The following BOP1 variants were observed in gnomAD, a reference collection of about 807,000 sequenced individuals.
The protein encoded by BOP1 is ribosome biogenesis protein BOP1.
BOP1 carries 54 observed loss-of-function variants against 82.9 expected under a neutral mutation model. The ratio of observed to expected loss-of-function variants is 0.65; its 90% confidence interval spans 0.52 to 0.82. BOP1 has a LOEUF of 0.82. Among genes scored for constraint, BOP1 ranks in the 40% least tolerant of loss-of-function variants. BOP1 has a pLI of 0.00. For missense variants in BOP1, 1,170 were observed against 1,072.0 expected (o/e 1.09, Z -1.28); for synonymous variants, 566 against 451.1 (o/e 1.25, Z -3.23).
At chr8:144,288,666 G>A (rs1386166036) in intron 2 of BOP1, among the ~76,000 whole-genome samples, 3 of 152,126 alleles carry the variant, frequency 2.0e-5, no homozygotes, top group South Asian at 2.1e-4. Flanking sequence ...CCCTCTACCC[G>A]TCGGCTGCTC....
chr8:144,273,004 C>T (rs55959122), intron 3 of BOP1, among the ~76,000 whole-genome samples: 3 of 152,078 alleles, frequency 2.0e-5, no homozygotes, highest in Admixed American at 6.5e-5. Context: ...GGCATGCAGG[C>T]GGCCGCGGGG....
intron 2 of BOP1, among the ~76,000 whole-genome samples, chr8:144,287,704 T>C (rs1360829895): frequency 6.6e-6 from 1 of 152,146 alleles, no homozygotes; most frequent in African/African-American, 2.4e-5. Context: ...AGGGGTAACG[T>C]AGTTGTCCAT....
intron 3 of BOP1, among the ~76,000 whole-genome samples, chr8:144,274,825 G>C (rs1250250845): frequency 6.6e-6 from 1 of 152,092 alleles, no homozygotes; most frequent in Non-Finnish European, 1.5e-5. Flanking sequence ...CGGCCTCCGC[G>C]CTCCGTTTAC....
Position 144,264,429 on chromosome 8 carries a change from G to A in BOP1, c.774C>T (p.Arg258=), listed in dbSNP as rs1845308640. The A allele has an allele frequency of 6.2e-7, 1 of 1,603,438 alleles. No individual in the cohort carries two copies. Among genetic ancestry groups the A allele is most frequent in the African/African-American group, 1.3e-5 (1 of 75,026 alleles). Residue 258 remains arginine (R), a synonymous_variant, in exon 7 of 16, where the codon CGC becomes CGT. Coordinates refer to ENST00000569669, the MANE Select transcript of BOP1 (RefSeq NM_015201.5). ...PSLVEKEKVS[R]MVHAIKMGWI... The stretch of plus-strand genomic sequence containing the variant: ...AGCCCATCTTGATGGCGTGCACCAT[G>A]CGAGAGACCTGCATAGACAGCCGGG...
In BOP1 at chr8:144,264,470, C is replaced by T. The variant is rs970045807; in HGVS notation, c.766-33G>A. Reference sequence around the variant, plus strand: ...GACAGCCGGGTCAGGACGGGCAGTGCGGGGCGGTCAGCCCAGGCCAAGCCC... The same window carrying T: ...GACAGCCGGGTCAGGACGGGCAGTGTGGGGCGGTCAGCCCAGGCCAAGCCC... On this transcript the variant is annotated intron_variant, in intron 6 of 15. Transcript: ENST00000569669. 288 of 1,606,838 alleles carry T rather than the reference C, an allele frequency of 1.8e-4. No individual in the cohort carries two copies. In the African/African-American group the frequency reaches 3.1e-3, roughly 17 times the overall value.
intron 2 of BOP1, among the ~76,000 whole-genome samples, chr8:144,278,666 C>T (rs1845618934): frequency 6.6e-6 from 1 of 152,204 alleles, no homozygotes; most frequent in South Asian, 2.1e-4. Context: ...CAGAACATCG[C>T]TGTCGGGGTG....
Position 144,263,140 on chromosome 8 carries a change from G to A in BOP1, c.1607C>T (p.Pro536Leu). 6 of 1,593,708 alleles carry A rather than the reference G, an allele frequency of 3.8e-6. No homozygotes were observed. Among genetic ancestry groups the A allele is most frequent in the Non-Finnish European group, 5.1e-6 (6 of 1,178,802 alleles). The change falls in exon 13 of 16, where the codon CCA becomes CTA. Residue 536 changes from proline (P) to leucine (L), a missense_variant and splice_region_variant. Coordinates refer to ENST00000569669, the MANE Select transcript of BOP1 (RefSeq NM_015201.5). Reference sequence around the variant, plus strand: ...CCCGTGCCAGGTCACCTGCGTCACTGGCTGCAGGAGAGCAAGGCTGGCTGA... The same window carrying A: ...CCCGTGCCAGGTCACCTGCGTCACTAGCTGCAGGAGAGCAAGGCTGGCTGA... The part of the protein sequence containing the change: ...GLRLRICHGK[P>L]VTQVTWHGRG...
intron 2 of BOP1, among the ~76,000 whole-genome samples, chr8:144,287,201 G>C (rs1588609992): frequency 6.6e-6 from 1 of 152,050 alleles, no homozygotes; most frequent in African/African-American, 2.4e-5. Flanking sequence ...GTAGAGACAG[G>C]GTTTCACCAT....
In BOP1 at chr8:144,265,146, G is replaced by A. The variant is rs1845331242; in HGVS notation, c.391-75C>T. 4.5e-6 allele frequency: 7 copies of A among 1,544,916 alleles called. No homozygotes were observed. The South Asian group carries it at 6.1e-5, about 14-fold the overall frequency. ...CCGCTTCGGGCCGCCCAGGGGAGCA[G>A]GTGAGGGGGTTGCAGGGGGAGTGCA... On this transcript the variant is annotated intron_variant, in intron 3 of 15. Coordinates refer to ENST00000569669, the MANE Select transcript of BOP1 (RefSeq NM_015201.5).
intron 3 of BOP1, among the ~76,000 whole-genome samples, chr8:144,275,856 C>T (rs1554838251): frequency 6.6e-6 from 1 of 151,746 alleles, no homozygotes; most frequent in Non-Finnish European, 1.5e-5. Flanking sequence ...GTGACCCCCA[C>T]CCCGACCATG....
At chr8:144,284,150 A>G (rs1394253619) in intron 2 of BOP1, among the ~76,000 whole-genome samples, 1 of 151,816 alleles carries the variant, frequency 6.6e-6, no homozygotes, top group African/African-American at 2.4e-5. Context: ...AAACAAAACT[A>G]GCCAGGCATG....
intron 14 of BOP1, 24 bp downstream of exon 14, chr8:144,262,564 G>C (rs961255349): frequency 6.2e-7 from 1 of 1,612,858 alleles, no homozygotes; most frequent in Non-Finnish European, 8.5e-7. Flanking sequence ...TCTGCTGGCC[G>C]CCTCCACCCC....
In BOP1 at chr8:144,264,294, G is replaced by A. The variant is rs1845305743; in HGVS notation, c.909C>T (p.Pro303=). 5 of 1,611,016 alleles carry A rather than the reference G, an allele frequency of 3.1e-6. No individual in the cohort carries two copies. In the African/African-American group the frequency reaches 6.7e-5, roughly 22 times the overall value. Residue 303 remains proline (P), a synonymous_variant, in exon 7 of 16, where the codon CCC becomes CCT. Transcript: ENST00000569669. ...CGGCGTGGCCTGGCAGGGCCAGCTT[G>A]GGAGCAGGTACGTGCATCTTGTGGC... ...LGRHKMHVPA[P]KLALPGHAES...
chr8:144,269,129 C>T (rs1023178507), intron 3 of BOP1, among the ~76,000 whole-genome samples: 2 of 152,212 alleles, frequency 1.3e-5, no homozygotes, highest in Non-Finnish European at 2.9e-5. Context: ...CTGAAGACCC[C>T]GCCCACCACA....
In BOP1 at chr8:144,262,146, C is replaced by T. The variant is rs1845198445; in HGVS notation, c.*18G>A. 6.2e-7 allele frequency: 1 copy of T among 1,611,840 alleles called. No homozygotes were observed. The highest frequency in any genetic ancestry group is 2.2e-5 in the East Asian group (1 of 44,878). Reference sequence around the variant, plus strand: ...TTGACTTCAGCACGACCACCCCAGCCCCAGGCAGGCAGAACAGCTAGGTGA... The same window carrying T: ...TTGACTTCAGCACGACCACCCCAGCTCCAGGCAGGCAGAACAGCTAGGTGA... On this transcript the variant is annotated 3_prime_UTR_variant, in exon 16 of 16. Transcript: ENST00000569669.
chr8:144,276,399 G>A (rs1845568641), intron 2 of BOP1, 95 bp from the exon 3 acceptor site: 1 of 1,386,880 alleles, frequency 7.2e-7, no homozygotes, highest in Admixed American at 1.9e-5. Flanking sequence ...CGAAATCTCT[G>A]AGCAGCTCCA....
At chr8:144,267,226 C>A in intron 3 of BOP1, 1 of 1,478,374 alleles carries the variant, frequency 6.8e-7, no homozygotes, top group Admixed American at 2.5e-5. Flanking sequence ...CAACGCGCCC[C>A]TCAGCCCACA....
chr8:144,288,300 G>A (rs890665924), intron 2 of BOP1, among the ~76,000 whole-genome samples: 4 of 147,760 alleles, frequency 2.7e-5, no homozygotes, highest in Non-Finnish European at 5.9e-5. Flanking sequence ...GGCCGGGCGT[G>A]GTGGCTCACC....
intron 3 of BOP1, among the ~76,000 whole-genome samples, chr8:144,273,947 T>C (rs1413449308): frequency 2.6e-5 from 4 of 152,198 alleles, no homozygotes; most frequent in African/African-American, 4.8e-5. Flanking sequence ...TGTGAGGGGC[T>C]GCTCAGGTCT....
Sources: gnomAD v4.1 joint callset for allele counts (sites outside exome capture counted in the v4.1 genomes callset) on GRCh38, gnomAD v4.1.1 for gene constraint, MANE v1.5 for transcripts, NCBI Gene and HGNC (gene_info 2026-07-23, HGNC 2026-07-21) for gene names.